The following TANC2 variants were observed in gnomAD, a reference collection of about 807,000 sequenced individuals.
TANC2 encodes protein TANC2.
A neutral mutation model predicts 210.5 loss-of-function variants in TANC2; 26 were observed. The observed-to-expected ratio is 0.12, with a 90% CI of 0.09 to 0.17. TANC2 has a LOEUF of 0.17. Ranked by LOEUF, TANC2 falls within the 10% of genes least tolerant of loss-of-function variation. The pLI is 1.00. For synonymous variants in TANC2, 931 were observed against 967.1 expected, an observed-to-expected ratio of 0.96 and a Z score of 0.69; for missense variants, 2,129 against 2,608.9, an observed-to-expected ratio of 0.82 and a Z score of 4.01.
At chr17:63,110,784 G>A (rs2038008044) in intron 4 of TANC2, among the ~76,000 whole-genome samples, 1 of 152,138 alleles carries the variant, frequency 6.6e-6, no homozygotes, top group Non-Finnish European at 1.5e-5. Flanking sequence ...AATTTTGGAG[G>A]ACACGTTCAA....
chr17:63,163,454 G>A (rs1245362022), intron 5 of TANC2, among the ~76,000 whole-genome samples: 1 of 152,098 alleles, frequency 6.6e-6, no homozygotes, highest in Admixed American at 6.5e-5. Flanking sequence ...AGAATGAGTG[G>A]TCTGACCTGA....
chr17:63,231,909 G>C (rs1318142044), intron 7 of TANC2, among the ~76,000 whole-genome samples: 1 of 152,026 alleles, frequency 6.6e-6, no homozygotes, highest in Non-Finnish European at 1.5e-5. Context: ...TCATAGGTTT[G>C]GTCTTTTTAC....
chr17:63,251,414 A>G (rs2043050112), intron 8 of TANC2, among the ~76,000 whole-genome samples: 2 of 152,200 alleles, frequency 1.3e-5, no homozygotes, highest in Admixed American at 6.5e-5. Flanking sequence ...ACTAGGTACA[A>G]CTAGAAGAAC....
At chr17:63,347,711 AAGTTTCTC>A (rs563675400) in intron 12 of TANC2, among the ~76,000 whole-genome samples, 103 of 152,322 alleles carry the variant, frequency 6.8e-4, no homozygotes, top group African/African-American at 2.4e-3. Context: ...AAAAGTTTTG[AAGTTTCTC>A]AGTACACTTT....
chr17:63,359,348 AT>A (rs750516556), intron 14 of TANC2, among the ~76,000 whole-genome samples: 21,210 of 134,590 alleles, frequency 0.16, 3,811 homozygotes, highest in African/African-American at 0.43. Context: ...CTGCACCAGC[AT>A]TTTTTTTTTT....
At chr17:63,171,794 C>T (rs961515691) in intron 5 of TANC2, among the ~76,000 whole-genome samples, 7 of 152,250 alleles carry the variant, frequency 4.6e-5, no homozygotes, top group African/African-American at 1.7e-4. Flanking sequence ...ACTTACTCTT[C>T]TGTTAATCCC....
At chr17:63,073,373 AAAG>A (rs1439876763) in intron 2 of TANC2, among the ~76,000 whole-genome samples, 2 of 151,276 alleles carry the variant, frequency 1.3e-5, no homozygotes. Flanking sequence ...TTATTTCTTA[AAAG>A]AAGATGTATA....
At chr17:63,413,464 G>A in intron 24 of TANC2, 79 bp from the exon 25 acceptor site, 2 of 1,113,246 alleles carry the variant, frequency 1.8e-6, no homozygotes, top group Non-Finnish European at 2.6e-6. Context: ...AATTCCCCTA[G>A]GGTATTTTTT....
At chr17:63,332,372 A>G (rs576628149) in intron 11 of TANC2, 1 of 311,530 alleles carries the variant, frequency 3.2e-6, no homozygotes, top group South Asian at 2.9e-5. Flanking sequence ...TAAGTTTTTC[A>G]AATTCATTTC....
In TANC2 at chr17:63,063,565, T is replaced by TA. The variant is rs1475264710; in HGVS notation, c.68-10378_68-10377insA. Among the ~76,000 whole-genome samples, 604 of 116,906 alleles carry TA rather than the reference T, an allele frequency of 5.2e-3. 15 individuals carry two copies. Among genetic ancestry groups the TA allele is most frequent in the African/African-American group, 0.022 (515 of 23,152 alleles). 76.7% of individuals were successfully genotyped at this position (116,906 alleles called of 152,430 possible). A position where few individuals can be genotyped will look rare whatever the true frequency, so the allele number is the denominator to read the frequency against. ...GTGTGTGTGTGTGTGTGTGTGTGTG[T>TA]GTGTGTGTGTAGATATATCTCTTAC... On this transcript the variant is annotated intron_variant, in intron 2 of 27. Transcript: ENST00000689528.
chr17:63,167,544 TTTAAA>T (rs1391694833), intron 5 of TANC2, among the ~76,000 whole-genome samples: 2 of 152,056 alleles, frequency 1.3e-5, no homozygotes, highest in African/African-American at 4.8e-5. Context: ...CACATGCCCT[TTTAAA>T]AAACTGATGA....
At chr17:63,235,927 A>G (rs897593323) in intron 7 of TANC2, among the ~76,000 whole-genome samples, 5 of 152,078 alleles carry the variant, frequency 3.3e-5, no homozygotes, top group Non-Finnish European at 7.4e-5. Context: ...AATTAGTAGT[A>G]AGACTATATA....
At chr17:63,334,155 C>A (rs768062897) in intron 11 of TANC2, 3 of 152,128 alleles carry the variant, frequency 2.0e-5, no homozygotes, top group Admixed American at 6.5e-5. Context: ...CACATCAATA[C>A]AATAATCACA....
intron 14 of TANC2, among the ~76,000 whole-genome samples, chr17:63,374,921 A>C (rs2047379125): frequency 6.6e-6 from 1 of 152,158 alleles, no homozygotes; most frequent in Non-Finnish European, 1.5e-5. Flanking sequence ...AATGAAGAGA[A>C]TGAGATACTT....
At chr17:63,222,220 A>G (rs2042212218) in intron 7 of TANC2, among the ~76,000 whole-genome samples, 1 of 152,080 alleles carries the variant, frequency 6.6e-6, no homozygotes, top group South Asian at 2.1e-4. Flanking sequence ...GGACCAAATC[A>G]CTTCCCAAAG....
chr17:63,015,823 ATATT>A (rs2034082880), intron 2 of TANC2, among the ~76,000 whole-genome samples: 1 of 152,054 alleles, frequency 6.6e-6, no homozygotes, highest in South Asian at 2.1e-4. Context: ...AAGTTCATAT[ATATT>A]AAATGTTTAT....
At chr17:63,208,548 A>G (rs1263720184) in intron 7 of TANC2, among the ~76,000 whole-genome samples, 4 of 152,226 alleles carry the variant, frequency 2.6e-5, no homozygotes, top group Non-Finnish European at 5.9e-5. Context: ...CAAATTCATG[A>G]AGAACCCCTT....
intron 3 of TANC2, among the ~76,000 whole-genome samples, chr17:63,078,382 T>C (rs527426368): frequency 3.8e-4 from 58 of 152,234 alleles, no homozygotes; most frequent in African/African-American, 1.3e-3. Flanking sequence ...GTATTTGGTT[T>C]CTGTATTGCT....
At chr17:63,098,511 G>GTATATATATATATATATA (rs1286873668) in intron 3 of TANC2, among the ~76,000 whole-genome samples, 1 of 72,618 alleles carries the variant, frequency 1.4e-5, no homozygotes, top group African/African-American at 9.7e-5. Context: ...CTCTCTCTCT[G>GTATATATATATATATATA]TGTGTATATA....
Sources: gnomAD v4.1 joint callset for allele counts (sites outside exome capture counted in the v4.1 genomes callset) on GRCh38, gnomAD v4.1.1 for gene constraint, MANE v1.5 for transcripts, NCBI Gene and HGNC (gene_info 2026-07-23, HGNC 2026-07-21) for gene names.